Variants in C3orf70 observed in about 807,000 individuals in gnomAD.
The protein encoded by C3orf70 is UPF0524 protein C3orf70.
A neutral mutation model predicts 20.7 loss-of-function variants in C3orf70; 15 were observed. The observed-to-expected ratio is 0.72, with a 90% confidence interval of 0.48 to 1.11. C3orf70 has a LOEUF of 1.11. Ranked by LOEUF, C3orf70 falls within the 50% of genes most tolerant of loss-of-function variation. The pLI, the probability that C3orf70 is intolerant of heterozygous loss-of-function variation, is 0.00. For synonymous variants in C3orf70, 161 were observed against 125.7 expected, an observed-to-expected ratio of 1.28 and a Z score of -1.88; for missense variants, 332 against 317.6, an observed-to-expected ratio of 1.05 and a Z score of -0.34.
chr3:185,146,739 G>GA (rs1215124302), intron 1 of C3orf70, among the ~76,000 whole-genome samples: 1 of 152,126 alleles, frequency 6.6e-6, no homozygotes, highest in Non-Finnish European at 1.5e-5. Flanking sequence ...AGTCCTTTAG[G>GA]AAAACCAGGT....
chr3:185,087,677 T>A (rs905209424), intron 1 of C3orf70, among the ~76,000 whole-genome samples: 11 of 151,984 alleles, frequency 7.2e-5, no homozygotes, highest in Admixed American at 7.2e-4. Context: ...GATGGGGAGT[T>A]GTTGTTTAAT....
At position 185,083,166 on chromosome 3, in the gene C3orf70, G is replaced by A. The variant is rs2108585483; in HGVS notation, c.594C>T (p.His198=). The A allele has an allele frequency of 6.2e-7, 1 of 1,614,126 alleles. No homozygotes were observed. Among genetic ancestry groups the A allele is most frequent in the South Asian group, 1.1e-5 (1 of 91,078 alleles). Residue 198 remains histidine (H), a synonymous_variant, in exon 2 of 2, where the codon CAC becomes CAT. Transcript: ENST00000335012. ...EDSGINAIGA[H]YVESCDEDTE... ...TGTCCTCGTCACACGATTCCACATA[G>A]TGAGCCCCAATCGCATTGATCCCAG...
chr3:185,127,690 T>A (rs937719906), intron 1 of C3orf70, among the ~76,000 whole-genome samples: 9 of 152,144 alleles, frequency 5.9e-5, no homozygotes, highest in African/African-American at 2.4e-5. Context: ...TCCATCCGCC[T>A]CAGCCTCTCA....
At chr3:185,146,912 CCTT>C (rs1284574544) in intron 1 of C3orf70, among the ~76,000 whole-genome samples, 4 of 152,210 alleles carry the variant, frequency 2.6e-5, no homozygotes, top group African/African-American at 7.2e-5. Context: ...CTAATCAACT[CCTT>C]CTCTCCCTAC....
intron 1 of C3orf70, among the ~76,000 whole-genome samples, chr3:185,118,119 C>T (rs1716220394): frequency 6.6e-6 from 1 of 152,038 alleles, no homozygotes; most frequent in Non-Finnish European, 1.5e-5. Context: ...CTAATATGTC[C>T]CCAAGGCAGT....
In C3orf70 at chr3:185,079,821, T is replaced by C. The variant is rs149888444; in HGVS notation, c.*3186A>G. On this transcript the variant is annotated 3_prime_UTR_variant, in exon 2 of 2. Coordinates refer to ENST00000335012, the MANE Select transcript of C3orf70 (RefSeq NM_001025266.3). ...TGAGCATATTACTGGGTCCAAAGTA[T>C]ACAGCTTTCATATCTGTCAGTCAGT... The C allele has an allele frequency of 6.5e-3, 997 of 152,796 alleles. 7 individuals are homozygous for C. Among genetic ancestry groups the C allele is most frequent in the Non-Finnish European group, 8.5e-3 (579 of 68,040 alleles). 9.5% of individuals were successfully genotyped at this position (152,796 alleles called of 1,614,324 possible).
At position 185,130,142 on chromosome 3, in the gene C3orf70, A is replaced by C. The variant is rs538962128; in HGVS notation, c.196+22486T>G. Among the ~76,000 whole-genome samples, 523 of 152,318 alleles carry C rather than the reference A, an allele frequency of 3.4e-3. 3 individuals are homozygous for C. The highest frequency in any genetic ancestry group is 0.015 in the South Asian group (70 of 4,822). On this transcript the variant is annotated intron_variant, in intron 1 of 1. Transcript: ENST00000335012. ...ATTCATCCTATAAAAATATTTTACTAAAGTTTGGGCTAAAAATAAATATAT... is the reference window on the plus strand; with the variant it reads ...ATTCATCCTATAAAAATATTTTACTCAAGTTTGGGCTAAAAATAAATATAT...
chr3:185,091,947 ATATATATATATATAT>A (rs1330779661), intron 1 of C3orf70, among the ~76,000 whole-genome samples: 2 of 14,122 alleles, frequency 1.4e-4, no homozygotes, highest in African/African-American at 7.5e-4. Flanking sequence ...ATATATATAT[ATATATATATATATAT>A]ATTTTTTTTT....
intron 1 of C3orf70, among the ~76,000 whole-genome samples, chr3:185,143,517 G>A (rs1716799082): frequency 6.6e-6 from 1 of 151,994 alleles, no homozygotes; most frequent in African/African-American, 2.4e-5. Context: ...CAGCTGGGGG[G>A]GTGTTTGTAT....
At chr3:185,092,621 A>G (rs1715616108) in intron 1 of C3orf70, among the ~76,000 whole-genome samples, 1 of 152,224 alleles carries the variant, frequency 6.6e-6, no homozygotes. Context: ...CAAATCTCAC[A>G]TGAAAAGATA....
At chr3:185,130,326 C>T (rs986387292) in intron 1 of C3orf70, among the ~76,000 whole-genome samples, 1 of 151,974 alleles carries the variant, frequency 6.6e-6, no homozygotes, top group Non-Finnish European at 1.5e-5. Context: ...TGGTGGTGGG[C>T]GCCTGTAGTC....
intron 1 of C3orf70, among the ~76,000 whole-genome samples, chr3:185,087,054 C>CAGAG (rs59505763): frequency 0.024 from 3,689 of 152,262 alleles, 123 homozygotes; most frequent in African/African-American, 0.083. Flanking sequence ...CCTGAATTAT[C>CAGAG]AGATTCAATT....
rs375867678 is a variant in C3orf70 at position 185,120,021 on chromosome 3, CA to C, written c.196+32606del. Among the ~76,000 whole-genome samples, 86 of 87,182 alleles carry C rather than the reference CA, an allele frequency of 9.9e-4. 1 individual carries two copies. The highest frequency in any genetic ancestry group is 7.2e-3 in the Middle Eastern group (1 of 138). The allele number at this position is 87,182 out of a possible 152,430, so 57.2% of individuals were successfully genotyped here. On this transcript the variant is annotated intron_variant, in intron 1 of 1. Coordinates refer to ENST00000335012, the MANE Select transcript of C3orf70 (RefSeq NM_001025266.3). ...TGGGCAACAGAGCTAGACTCTGTCTCAAAAAAAAAAAAAAAAAGAAAAAGAA... is the reference window on the plus strand; with the variant it reads ...TGGGCAACAGAGCTAGACTCTGTCTCAAAAAAAAAAAAAAAAGAAAAAGAA...
chr3:185,106,494 G>A lies in C3orf70; in HGVS notation c.197-22931C>T, dbSNP rs578140755. Among the ~76,000 whole-genome samples the A allele has an allele frequency of 3.8e-3, 572 of 152,326 alleles. 4 individuals are homozygous for A. Among genetic ancestry groups the A allele is most frequent in the African/African-American group, 0.012 (518 of 41,576 alleles). On this transcript the variant is annotated intron_variant, in intron 1 of 1. Transcript: ENST00000335012. ...CAGGCCGCCAGTTGAGGGAAAAAAA[G>A]AAAACTGCTGAGCCTGAAATATGTC...
At chr3:185,140,978 A>AG (rs1373803863) in intron 1 of C3orf70, among the ~76,000 whole-genome samples, 3 of 150,496 alleles carry the variant, frequency 2.0e-5, no homozygotes, top group African/African-American at 7.3e-5. Flanking sequence ...CCAAAAAAAA[A>AG]AAAGAAAAAA....
At chr3:185,107,925 T>C (rs879359116) in intron 1 of C3orf70, among the ~76,000 whole-genome samples, 6 of 152,274 alleles carry the variant, frequency 3.9e-5, no homozygotes, top group Admixed American at 3.9e-4. Context: ...AAGAGTGGCT[T>C]TTTCTTCCAC....
intron 1 of C3orf70, among the ~76,000 whole-genome samples, chr3:185,086,154 G>A (rs966652038): frequency 6.6e-6 from 1 of 152,162 alleles, no homozygotes; most frequent in Non-Finnish European, 1.5e-5. Flanking sequence ...AGAGGGAAAA[G>A]GTGAAGCCCG....
chr3:185,122,656 TGA>T (rs1179751224), intron 1 of C3orf70, among the ~76,000 whole-genome samples: 1 of 152,130 alleles, frequency 6.6e-6, no homozygotes, highest in Non-Finnish European at 1.5e-5. Flanking sequence ...CCTAGAAACA[TGA>T]TAAAGCATTA....
chr3:185,108,134 A>T (rs1715986659), intron 1 of C3orf70, among the ~76,000 whole-genome samples: 1 of 152,214 alleles, frequency 6.6e-6, no homozygotes. Flanking sequence ...AGTATTCTTG[A>T]TAATCATTTT....
Sources: gnomAD v4.1 joint callset for allele counts (sites outside exome capture counted in the v4.1 genomes callset) on GRCh38, gnomAD v4.1.1 for gene constraint, MANE v1.5 for transcripts, NCBI Gene and HGNC (gene_info 2026-07-23, HGNC 2026-07-21) for gene names.